The following RGL4 variants were observed in gnomAD, a reference collection of about 807,000 sequenced individuals.
RGL4 encodes ral guanine nucleotide dissociation stimulator like 4.
Under a neutral mutation model 49.6 loss-of-function variants are expected in RGL4, and 41 were observed. The ratio of observed to expected loss-of-function variants is 0.83; its 90% CI spans 0.64 to 1.07. The LOEUF is 1.07. Among genes scored for constraint, RGL4 ranks in the 50% least tolerant of loss-of-function variants. The probability of loss-of-function intolerance (pLI) is 0.00; values close to 1 mark genes in which losing one functional copy is unlikely to be tolerated. For missense variants in RGL4, 610 were observed against 591.9 expected (o/e 1.03, Z -0.32); for synonymous variants, 255 against 238.0 (o/e 1.07, Z -0.66).
At chr22:23,693,015 T>C (rs1364120092) in intron 3 of RGL4, 24 bp downstream of exon 3, 3 of 1,564,930 alleles carry the variant, frequency 1.9e-6, no homozygotes, top group South Asian at 1.2e-5. Context: ...CTTTGCAGGC[T>C]GTGTCTCTGG....
chr22:23,692,143 C>A lies in RGL4; in HGVS notation c.113C>A (p.Thr38Lys), dbSNP rs146350825. The A allele has an allele frequency of 2.1e-5, 34 of 1,614,050 alleles. No homozygotes were observed. The African/African-American group carries it at 2.8e-4, about 13-fold the overall frequency. The change falls in exon 1 of 11, where the codon ACG (threonine) becomes AAG (lysine). Residue 38 changes from threonine (T) to lysine (K), a missense_variant. Transcript: ENST00000290691. ...AATGTCTGTGGGACGCCAGGGCGCA[C>A]GAGGGTCTGTACAGCCCTGCTGTAT... ...EENVCGTPGR[T>K]RVCTALLYGQ...
At position 23,697,176 on chromosome 22, in the gene RGL4, G is replaced by A; in HGVS notation, c.1167G>A (p.Val389=). 2.5e-6 allele frequency: 4 copies of A among 1,612,706 alleles called. No individual in the cohort carries two copies. The highest frequency in any genetic ancestry group is 3.4e-6 in the Non-Finnish European group (4 of 1,179,072). Residue 389 remains valine, a synonymous_variant, in exon 8 of 11, where the codon GTG becomes GTA. Coordinates refer to ENST00000290691, the MANE Select transcript of RGL4 (RefSeq NM_153615.2). ...QMRLRRQKKG[V]VPFLGDFLTE... is the part of the protein sequence containing the mutation. ...CCCACCCCTCCTTGGCACAGGGTGT[G>A]GTCCCCTTCCTGGGGGATTTTCTGA...
At position 23,691,838 on chromosome 22, in the gene RGL4, G is replaced by C. The variant is rs984254609; in HGVS notation, c.-193G>C. 2.0e-5 allele frequency: 11 copies of C among 557,548 alleles called. No individual in the cohort carries two copies. The African/African-American group carries it at 2.1e-4, about 10-fold the overall frequency. The allele number at this position is 557,548 out of a possible 1,614,324, so 34.5% of individuals were successfully genotyped here. A position where few individuals can be genotyped will look rare whatever the true frequency, so the allele number is the denominator to read the frequency against. ...ACATCTGGGGACTTCCCCCACAAGA[G>C]GCAAATAGTGAGTTCTGTAAATGGA... On this transcript the variant is annotated 5_prime_UTR_variant, in exon 1 of 11. Coordinates refer to ENST00000290691, the MANE Select transcript of RGL4 (RefSeq NM_153615.2).
At position 23,699,118 on chromosome 22, in the gene RGL4, T is replaced by C. The variant is rs747181360; in HGVS notation, c.*235T>C. On this transcript the variant is annotated 3_prime_UTR_variant, in exon 11 of 11. Transcript: ENST00000290691. ...TTTTATGTTTATTTTCTTTAGTGTA[T>C]AAGTAAGGGTTTTTTCTTAACTTTC... 1.5e-4 allele frequency: 222 copies of C among 1,493,180 alleles called. 2 individuals carry two copies. In the African/African-American group the frequency reaches 2.8e-3, roughly 19 times the overall value. 92.5% of individuals were successfully genotyped at this position (1,493,180 alleles called of 1,614,324 possible).
chr22:23,698,979 A>C lies in RGL4; in HGVS notation c.*96A>C. On this transcript the variant is annotated 3_prime_UTR_variant, in exon 11 of 11. Transcript: ENST00000290691. ...TCACCCAGACCGTAGACACCAGGGAACCACATCTAGGAGGCTGGCAGCTCA... is the reference window on the plus strand; with the variant it reads ...TCACCCAGACCGTAGACACCAGGGACCCACATCTAGGAGGCTGGCAGCTCA... The C allele has an allele frequency of 1.9e-6, 3 of 1,565,918 alleles. No homozygotes were observed. The highest frequency in any genetic ancestry group is 2.6e-6 in the Non-Finnish European group (3 of 1,154,830).
rs1923602294 is a variant in RGL4, at chr22:23,697,782, G to A, written c.1237-56G>A. Reference sequence around the variant, plus strand: ...CAGTAGTGCAGCATGGGAAGGGGTGGGGTGGGGCTGGTTGTGGGCCAGGGG... The same window carrying A: ...CAGTAGTGCAGCATGGGAAGGGGTGAGGTGGGGCTGGTTGTGGGCCAGGGG... On this transcript the variant is annotated intron_variant, in intron 8 of 10. Coordinates refer to ENST00000290691, the MANE Select transcript of RGL4 (RefSeq NM_153615.2). 9.6e-6 allele frequency: 15 copies of A among 1,569,938 alleles called. No homozygotes were observed. The South Asian group carries it at 1.2e-4, about 12-fold the overall frequency.
At chr22:23,697,545 G>T (rs1307879757) in intron 8 of RGL4, among the ~76,000 whole-genome samples, 1 of 152,194 alleles carries the variant, frequency 6.6e-6, no homozygotes, top group African/African-American at 2.4e-5. Context: ...CGTAATAGGA[G>T]GGTGAAATTG....
intron 6 of RGL4, chr22:23,695,277 C>A: frequency 1.3e-5 from 6 of 476,132 alleles, no homozygotes; most frequent in Non-Finnish European, 2.4e-5. Context: ...GGCTGCTGGG[C>A]TGCTGAGCAG....
rs1923638482 is a variant in RGL4 at position 23,698,215 on chromosome 22, G to A, written c.1264G>A (p.Val422Ile). 6 of 1,605,318 alleles carry A rather than the reference G, an allele frequency of 3.7e-6. No homozygotes were observed. The highest frequency in any genetic ancestry group is 1.7e-5 in the Admixed American group (1 of 59,862). ...DGNTNKRSKE[V>I]RVLQEMQLLQ... ...GCATCCTGTCCTCTGTCTCTAGGAG[G>A]TCCGAGTTCTGCAGGAAATGCAGCT... The change falls in exon 10 of 11, where the codon GTC becomes ATC. Residue 422 changes from valine to isoleucine, a missense_variant. Physicochemically the swap from Val to Ile is conservative, Grantham distance 29 (BLOSUM62 3). Coordinates refer to ENST00000290691, the MANE Select transcript of RGL4 (RefSeq NM_153615.2).
chr22:23,695,380 G>T (rs1040872117), intron 6 of RGL4: 35 of 492,162 alleles, frequency 7.1e-5, no homozygotes, highest in African/African-American at 5.8e-4. Context: ...GGTGATCATG[G>T]TAGGTGGGAC....
In RGL4 at chr22:23,692,515, GGC is replaced by G. The variant is rs765393711; in HGVS notation, c.361_362del (p.Ala121GlnfsTer4). ...GQLVLPEPNE[A>X]KPDDPAPRPG... ...AGTTGGTGCTTCCGGAGCCCAACGA[GGC>G]CAAGCCAGATGGTGAGGGGGCTTGC... On this transcript the variant is annotated frameshift_variant, in exon 2 of 11. Coordinates refer to ENST00000290691, the MANE Select transcript of RGL4 (RefSeq NM_153615.2). LOFTEE classifies it high-confidence loss of function. 3.1e-6 allele frequency: 5 copies of G among 1,613,506 alleles called. No individual in the cohort carries two copies.
At chr22:23,693,168 T>C (rs1923251011) in intron 3 of RGL4, 177 bp downstream of exon 3, 1 of 1,123,256 alleles carries the variant, frequency 8.9e-7, no homozygotes, top group Admixed American at 2.9e-5. Context: ...ACGGCAGAGA[T>C]GGGACATCAC....
intron 4 of RGL4, 37 bp from the exon 5 acceptor site, chr22:23,694,310 C>T (rs1314730584): frequency 6.6e-7 from 1 of 1,507,438 alleles, no homozygotes; most frequent in South Asian, 1.1e-5. Context: ...GGCCAAGCTC[C>T]AACTCTGAAC....
At chr22:23,697,033 C>T in intron 7 of RGL4, 138 bp from the exon 8 acceptor site, 1 of 716,156 alleles carries the variant, frequency 1.4e-6, no homozygotes, top group Non-Finnish European at 2.4e-6. Flanking sequence ...TTTGGCTGCT[C>T]CAACCGGGAG....
chr22:23,696,660 T>C lies in RGL4; in HGVS notation c.1133T>C (p.Val378Ala), dbSNP rs1007298. The C allele has an allele frequency of 0.7, 1,134,405 of 1,612,944 alleles. 401,077 individuals are homozygous for C. The highest frequency in any genetic ancestry group is 0.89 in the African/African-American group (66,767 of 74,976). ...ACCCAGGAGAGGAACCCCCAGAGAG[T>C]CCAGATGAGGCTGCGGAGGCAGAAG... ...VATQERNPQR[V>A]QMRLRRQKKG... Residue 378 changes from valine to alanine, a missense_variant, in exon 7 of 11, where the codon GTC becomes GCC. Coordinates refer to ENST00000290691, the MANE Select transcript of RGL4 (RefSeq NM_153615.2).
chr22:23,697,381 G>T, intron 8 of RGL4, 136 bp downstream of exon 8: 1 of 678,470 alleles, frequency 1.5e-6, no homozygotes, highest in Non-Finnish European at 2.6e-6. Context: ...TCCTGTGGGT[G>T]GGGGTGTCAG....
intron 6 of RGL4, chr22:23,696,253 C>G: frequency 8.6e-7 from 1 of 1,163,408 alleles, no homozygotes; most frequent in Non-Finnish European, 1.1e-6. Context: ...GCCTGTAGTG[C>G]AGGCCTCACA....
In RGL4 at chr22:23,692,882, C is replaced by T. The variant is rs1393805643; in HGVS notation, c.587C>T (p.Ser196Phe). 3 of 1,613,650 alleles carry T rather than the reference C, an allele frequency of 1.9e-6. No homozygotes were observed. The highest frequency in any genetic ancestry group is 4.5e-5 in the East Asian group (2 of 44,872). Residue 196 changes from serine to phenylalanine, a missense_variant, in exon 3 of 11, where the codon TCC becomes TTC. Coordinates refer to ENST00000290691, the MANE Select transcript of RGL4 (RefSeq NM_153615.2). ...TVLEPQSAPE[S>F]SCPCRGSVKN... ...CTGGAGCCACAGTCAGCCCCAGAGT[C>T]CTCCTGTCCCTGTCGTGGGTCTGTA...
At chr22:23,694,112 C>A in intron 4 of RGL4, 138 bp downstream of exon 4, 1 of 833,562 alleles carries the variant, frequency 1.2e-6, no homozygotes, top group Non-Finnish European at 1.9e-6. Context: ...GCCAGAGCTT[C>A]ACTCACCTTG....
Sources: allele counts gnomAD v4.1 joint callset (sites outside exome capture counted in the v4.1 genomes callset), GRCh38; gene constraint gnomAD v4.1.1; transcripts MANE v1.5; gene names NCBI Gene and HGNC (gene_info 2026-07-23, HGNC 2026-07-21).